Variants in SNTG1 observed in about 807,000 individuals in gnomAD.
SNTG1 encodes the protein syntrophin gamma 1, also known as gamma-1-syntrophin.
A neutral mutation model predicts 74.7 loss-of-function variants in SNTG1; 39 were observed. The observed-to-expected ratio is 0.52, with a 90% CI of 0.40 to 0.68. The LOEUF (loss-of-function observed/expected upper bound fraction) is 0.68. SNTG1 is among the 30% of genes least tolerant of loss of function. The probability of loss-of-function intolerance (pLI) is 0.00; values close to 1 mark genes in which losing one functional copy is unlikely to be tolerated. For synonymous variants in SNTG1, 254 were observed against 217.1 expected, an observed-to-expected ratio of 1.17 and a Z score of -1.49; for missense variants, 685 against 609.5, an observed-to-expected ratio of 1.12 and a Z score of -1.30.
chr8:50,708,589 C>A (rs1266741989), intron 16 of SNTG1: 3 of 295,546 alleles, frequency 1.0e-5, no homozygotes, highest in Non-Finnish European at 1.8e-5. Flanking sequence ...TATATACCAC[C>A]TTTATTGTCA....
chr8:49,976,212 G>A (rs954783193), intron 1 of SNTG1, among the ~76,000 whole-genome samples: 1 of 152,146 alleles, frequency 6.6e-6, no homozygotes, highest in South Asian at 2.1e-4. Flanking sequence ...TGAAGGCTCA[G>A]TGTGTGTATA....
intron 2 of SNTG1, among the ~76,000 whole-genome samples, chr8:50,390,942 G>T (rs995751840): frequency 2.0e-5 from 3 of 152,080 alleles, no homozygotes; most frequent in Non-Finnish European, 2.9e-5. Flanking sequence ...CTTTGCTAAA[G>T]TTGCTTATCA....
intron 1 of SNTG1, among the ~76,000 whole-genome samples, chr8:50,042,721 T>TA (rs1018325189): frequency 1.3e-5 from 2 of 151,652 alleles, no homozygotes; most frequent in African/African-American, 4.9e-5. Flanking sequence ...CATGCCTGGC[T>TA]AATTGACTTT....
At chr8:50,657,062 ATT>A in intron 14 of SNTG1, 37 bp downstream of exon 14, 1 of 1,279,196 alleles carries the variant, frequency 7.8e-7, no homozygotes, top group Non-Finnish European at 1.1e-6. Flanking sequence ...TCGTTTCCAT[ATT>A]ATCACAAGAG....
chr8:50,167,203 C>G (rs922949430), intron 1 of SNTG1, among the ~76,000 whole-genome samples: 3 of 144,610 alleles, frequency 2.1e-5, no homozygotes, highest in African/African-American at 7.9e-5. Context: ...AGCACACCAG[C>G]ATGGCACATG....
intron 2 of SNTG1, among the ~76,000 whole-genome samples, chr8:50,260,760 A>AAC (rs2087149210): frequency 6.6e-6 from 1 of 151,004 alleles, no homozygotes; most frequent in South Asian, 2.1e-4. Flanking sequence ...AAAAAAAAAA[A>AAC]CAATTAAAAA....
intron 1 of SNTG1, among the ~76,000 whole-genome samples, chr8:50,100,678 G>A (rs1267273176): frequency 6.6e-6 from 1 of 151,966 alleles, no homozygotes; most frequent in African/African-American, 2.4e-5. Context: ...GTTAATTAGA[G>A]TTTTATCTAG....
At chr8:50,488,757 T>C (rs139958418) in intron 8 of SNTG1, among the ~76,000 whole-genome samples, 1 of 152,108 alleles carries the variant, frequency 6.6e-6, no homozygotes, top group Non-Finnish European at 1.5e-5. Context: ...CACTAAATAG[T>C]CATTAATAAA....
rs550919741 is a variant in SNTG1 at position 50,078,837 on chromosome 8, T to C, written c.-102-93724T>C. Among the ~76,000 whole-genome samples the C allele has an allele frequency of 3.9e-5, 6 of 152,326 alleles. No homozygotes were observed. In the South Asian group the frequency reaches 1.2e-3, roughly 32 times the overall value. On this transcript the variant is annotated intron_variant, in intron 1 of 18. Coordinates refer to ENST00000642720, the MANE Select transcript of SNTG1 (RefSeq NM_018967.5). ...TTTTGGTTTTCTGTTCCTGTGTTAG[T>C]TTGCTAAGGATGATGGTTTCCAGCT...
In SNTG1 at chr8:49,930,136, T is replaced by C. The variant is rs1372978980; in HGVS notation, c.-103+17905T>C. ...ACTAAATAGCCAAGAAAAAAATATC[T>C]TGGAGATGAGGACAAAAAGAAGTCT... is the stretch of plus-strand genomic sequence containing the variant. On this transcript the variant is annotated intron_variant, in intron 1 of 18. Coordinates refer to ENST00000642720, the MANE Select transcript of SNTG1 (RefSeq NM_018967.5). Among the ~76,000 whole-genome samples, 2 of 152,022 alleles carry C rather than the reference T, an allele frequency of 1.3e-5. 1 individual carries two copies. Among genetic ancestry groups the C allele is most frequent in the East Asian group, 3.9e-4 (2 of 5,180 alleles).
At chr8:50,054,981 T>C (rs1819901274) in intron 1 of SNTG1, among the ~76,000 whole-genome samples, 1 of 152,138 alleles carries the variant, frequency 6.6e-6, no homozygotes, top group African/African-American at 2.4e-5. Context: ...GCCAGTGAAC[T>C]AGGCCTTCAA....
At chr8:50,185,146 C>G (rs1001966410) in intron 2 of SNTG1, among the ~76,000 whole-genome samples, 2 of 152,174 alleles carry the variant, frequency 1.3e-5, no homozygotes, top group African/African-American at 4.8e-5. Context: ...GTAATCCCCA[C>G]ATGTCAAGGG....
chr8:50,616,121 A>C (rs1246718633), intron 13 of SNTG1, among the ~76,000 whole-genome samples: 1 of 152,224 alleles, frequency 6.6e-6, no homozygotes, highest in Admixed American at 6.5e-5. Flanking sequence ...TTACTTAGTC[A>C]ACTGATTGTA....
At chr8:50,782,871 A>C (rs1013492536) in intron 18 of SNTG1, among the ~76,000 whole-genome samples, 2 of 152,068 alleles carry the variant, frequency 1.3e-5, no homozygotes, top group African/African-American at 4.8e-5. Context: ...GTGATGTAAG[A>C]TGGGTTTTTG....
intron 18 of SNTG1, among the ~76,000 whole-genome samples, chr8:50,784,559 A>G (rs1423129376): frequency 6.6e-6 from 1 of 152,166 alleles, no homozygotes; most frequent in Non-Finnish European, 1.5e-5. Context: ...GCGAAATCGA[A>G]GAGAAAATGG....
At chr8:50,408,107 G>T (rs2092902731) in intron 4 of SNTG1, among the ~76,000 whole-genome samples, 1 of 152,152 alleles carries the variant, frequency 6.6e-6, no homozygotes, top group African/African-American at 2.4e-5. Flanking sequence ...AGGAAACAAT[G>T]CCTAGGTGCT....
At chr8:50,087,594 T>C (rs1251515946) in intron 1 of SNTG1, among the ~76,000 whole-genome samples, 1 of 152,154 alleles carries the variant, frequency 6.6e-6, no homozygotes, top group African/African-American at 2.4e-5. Flanking sequence ...TAATAGTCTA[T>C]AAATATATTC....
At chr8:50,406,469 G>T (rs2092877349) in intron 4 of SNTG1, among the ~76,000 whole-genome samples, 1 of 152,078 alleles carries the variant, frequency 6.6e-6, no homozygotes, top group South Asian at 2.1e-4. Context: ...ATAAGATTAT[G>T]TCATCTGTGA....
intron 2 of SNTG1, among the ~76,000 whole-genome samples, chr8:50,309,825 T>C (rs995356650): frequency 5.3e-5 from 8 of 152,184 alleles, no homozygotes; most frequent in Admixed American, 3.9e-4. Flanking sequence ...ATACTTAGTA[T>C]CAAAAAAAAC....
Sources: gnomAD v4.1 joint callset for allele counts (sites outside exome capture counted in the v4.1 genomes callset) on GRCh38, gnomAD v4.1.1 for gene constraint, MANE v1.5 for transcripts, NCBI Gene and HGNC (gene_info 2026-07-23, HGNC 2026-07-21) for gene names.